MINDY4: variants seen among roughly 807,000 people sequenced by gnomAD.
MINDY4 encodes the protein probable ubiquitin carboxyl-terminal hydrolase MINDY-4.
In MINDY4, 68 loss-of-function variants were observed where a neutral mutation model predicts 87.0. The observed-to-expected ratio is 0.78, with a 90% CI of 0.64 to 0.96. The LOEUF (loss-of-function observed/expected upper bound fraction) is 0.96, where lower values mean the gene tolerates loss of function less well. Among genes scored for constraint, MINDY4 ranks in the 40% least tolerant of loss-of-function variants. MINDY4 has a pLI of 0.00. For synonymous variants in MINDY4, 379 were observed against 363.2 expected, an observed-to-expected ratio of 1.04 and a Z score of -0.50; for missense variants, 919 against 928.2, an observed-to-expected ratio of 0.99 and a Z score of 0.13.
chr7:30,848,922 C>T (rs548905207), intron 9 of MINDY4, among the ~76,000 whole-genome samples: 23 of 152,302 alleles, frequency 1.5e-4, no homozygotes, highest in Admixed American at 7.2e-4. Context: ...AATAGTCATA[C>T]GCGCCATTGA....
intron 5 of MINDY4, among the ~76,000 whole-genome samples, chr7:30,822,958 A>G (rs1194182041): frequency 2.0e-5 from 3 of 151,844 alleles, no homozygotes; most frequent in Non-Finnish European, 2.9e-5. Flanking sequence ...GTCTATTTTA[A>G]TCTCAGTTTT....
chr7:30,843,182 C>G (rs768097830), intron 9 of MINDY4, among the ~76,000 whole-genome samples: 1 of 152,220 alleles, frequency 6.6e-6, no homozygotes, highest in Non-Finnish European at 1.5e-5. Context: ...TGAGAGAACA[C>G]ATGGACAAAT....
chr7:30,872,192 G>A, intron 13 of MINDY4, 51 bp from the exon 14 acceptor site: 1 of 1,594,900 alleles, frequency 6.3e-7, no homozygotes, highest in South Asian at 1.1e-5. Flanking sequence ...AGCGAGGTTT[G>A]CAACCTGGGT....
chr7:30,777,532 A>G (rs1292895307), intron 1 of MINDY4, among the ~76,000 whole-genome samples: 1 of 152,050 alleles, frequency 6.6e-6, no homozygotes, highest in African/African-American at 2.4e-5. Flanking sequence ...TAGTTTCCCA[A>G]ATTGACCTTC....
intron 16 of MINDY4, 88 bp from the exon 17 acceptor site, chr7:30,882,833 G>A (rs1237404357): frequency 8.7e-7 from 1 of 1,150,614 alleles, no homozygotes; most frequent in Non-Finnish European, 1.3e-6. Context: ...GGACTAGAAG[G>A]GGGCGGGTCT....
chr7:30,861,849 G>A (rs961382528), intron 13 of MINDY4, among the ~76,000 whole-genome samples: 2 of 152,248 alleles, frequency 1.3e-5, no homozygotes, highest in Non-Finnish European at 2.9e-5. Flanking sequence ...AGGGATGTCC[G>A]GCAATTCCTG....
At chr7:30,806,899 C>T (rs537495685) in intron 5 of MINDY4, among the ~76,000 whole-genome samples, 8 of 152,228 alleles carry the variant, frequency 5.3e-5, no homozygotes, top group Admixed American at 6.5e-5. Context: ...GGCTGTGGTC[C>T]TCCATGTCCC....
At chr7:30,859,394 GC>G (rs1482927971) in intron 13 of MINDY4, 70 bp downstream of exon 13, 1 of 1,417,132 alleles carries the variant, frequency 7.1e-7, no homozygotes, top group Non-Finnish European at 1.0e-6. Context: ...CCTCGCTAGA[GC>G]CCAGGATGGT....
At chr7:30,889,447 G>A (rs1790730728) in intron 17 of MINDY4, among the ~76,000 whole-genome samples, 1 of 152,170 alleles carries the variant, frequency 6.6e-6, no homozygotes, top group African/African-American at 2.4e-5. Flanking sequence ...ATATTAGCCA[G>A]TATAGGACAT....
intron 5 of MINDY4, among the ~76,000 whole-genome samples, chr7:30,792,397 G>A (rs1283793406): frequency 6.6e-6 from 1 of 152,192 alleles, no homozygotes; most frequent in Non-Finnish European, 1.5e-5. Context: ...GGTTATGCTA[G>A]AAGTGGTCCC....
intron 5 of MINDY4, among the ~76,000 whole-genome samples, chr7:30,798,633 A>T (rs1787561837): frequency 1.3e-5 from 2 of 152,100 alleles, no homozygotes; most frequent in African/African-American, 4.8e-5. Context: ...AGTAGCTGGG[A>T]CTGCAGTCGC....
intron 1 of MINDY4, among the ~76,000 whole-genome samples, chr7:30,775,681 A>G (rs547897984): frequency 6.6e-6 from 1 of 152,256 alleles, no homozygotes; most frequent in South Asian, 2.1e-4. Context: ...ACCAGCCCCC[A>G]TCCTGAAGCT....
intron 1 of MINDY4, among the ~76,000 whole-genome samples, chr7:30,776,564 G>A (rs1786823296): frequency 6.6e-6 from 1 of 152,190 alleles, no homozygotes; most frequent in African/African-American, 2.4e-5. Context: ...TGAGGACTGG[G>A]ACTTTCATCT....
rs1788874784 is a variant in MINDY4, at chr7:30,836,916, AC to A, written c.1239+154del. 21 of 628,296 alleles carry A rather than the reference AC, an allele frequency of 3.3e-5. No individual in the cohort carries two copies. In the East Asian group the frequency reaches 5.8e-4, roughly 17 times the overall value. The allele number at this position is 628,296 out of a possible 1,614,324, so 38.9% of individuals were successfully genotyped here. A position where few individuals can be genotyped will look rare whatever the true frequency, so the allele number is the denominator to read the frequency against. On this transcript the variant is annotated intron_variant, in intron 7 of 17. Transcript: ENST00000265299. ...GGGTGTGATGTAGAAGAAAATGTGA[AC>A]CGAGAGTCAGGAAAACTGCAGTCTA...
chr7:30,857,908 A>C (rs1789626273), intron 12 of MINDY4: 3 of 152,354 alleles, frequency 2.0e-5, no homozygotes, highest in South Asian at 2.1e-4. Context: ...TTTTATCAGA[A>C]GCTTGAGCTG....
At chr7:30,798,371 A>G (rs1716747879) in intron 5 of MINDY4, among the ~76,000 whole-genome samples, 1 of 152,208 alleles carries the variant, frequency 6.6e-6, no homozygotes, top group African/African-American at 2.4e-5. Flanking sequence ...AGGCAAGGAT[A>G]ACTGCAAAGA....
At chr7:30,858,824 C>G (rs1365753415) in intron 12 of MINDY4, 1 of 368,162 alleles carries the variant, frequency 2.7e-6, no homozygotes, top group African/African-American at 2.1e-5. Context: ...GTGCTGCTGA[C>G]AAGCTGTGTG....
chr7:30,854,391 A>G (rs188399050), intron 12 of MINDY4, among the ~76,000 whole-genome samples: 242 of 152,256 alleles, frequency 1.6e-3, no homozygotes, highest in African/African-American at 5.6e-3. Flanking sequence ...TGATGCTCTA[A>G]GGGCAGCCTT....
chr7:30,890,907 C>T (rs189078487), intron 17 of MINDY4, among the ~76,000 whole-genome samples: 17 of 152,182 alleles, frequency 1.1e-4, no homozygotes, highest in African/African-American at 2.2e-4. Context: ...CCCTTCTCAT[C>T]GCAGTTCCAA....
Sources: allele counts gnomAD v4.1 joint callset (sites outside exome capture counted in the v4.1 genomes callset), GRCh38; gene constraint gnomAD v4.1.1; transcripts MANE v1.5; gene names NCBI Gene and HGNC (gene_info 2026-07-23, HGNC 2026-07-21).